ROBO2: variants seen among roughly 807,000 people sequenced by gnomAD.
ROBO2 encodes roundabout guidance receptor 2.
ROBO2 carries 53 observed loss-of-function variants against 160.8 expected under a neutral mutation model. That is an observed-to-expected ratio of 0.33 (90% CI 0.26 to 0.41). ROBO2 has a LOEUF of 0.41. Among genes scored for constraint, ROBO2 ranks in the 10% least tolerant of loss-of-function variants. The probability of loss-of-function intolerance (pLI) is 1.00; values close to 1 mark genes in which losing one functional copy is unlikely to be tolerated. For missense variants in ROBO2, 1,577 were observed against 1,722.4 expected (o/e 0.92, Z 1.49); for synonymous variants, 664 against 611.7 (o/e 1.09, Z -1.26).
chr3:76,742,660 A>G (rs1348682867), intron 2 of ROBO2, among the ~76,000 whole-genome samples: 5 of 152,140 alleles, frequency 3.3e-5, no homozygotes, highest in African/African-American at 1.2e-4. Flanking sequence ...AGAACATCAC[A>G]TCACATTAGT....
chr3:76,284,976 T>C (rs1453480808), intron 2 of ROBO2, among the ~76,000 whole-genome samples: 2 of 152,174 alleles, frequency 1.3e-5, no homozygotes, highest in African/African-American at 4.8e-5. Flanking sequence ...AGCAAACCTT[T>C]TCTGTGCTGC....
intron 2 of ROBO2, among the ~76,000 whole-genome samples, chr3:77,171,720 T>C (rs1001276915): frequency 8.5e-5 from 13 of 152,232 alleles, no homozygotes; most frequent in Admixed American, 5.2e-4. Context: ...GAGTATGTTC[T>C]ATGCTAGGTA....
At chr3:76,701,485 A>G (rs2093042971) in intron 2 of ROBO2, among the ~76,000 whole-genome samples, 1 of 152,080 alleles carries the variant, frequency 6.6e-6, no homozygotes, top group Non-Finnish European at 1.5e-5. Flanking sequence ...GAAGAGAGGA[A>G]TTAAGTTGAT....
intron 2 of ROBO2, among the ~76,000 whole-genome samples, chr3:76,346,336 C>G (rs186666505): frequency 1.3e-5 from 2 of 151,930 alleles, no homozygotes; most frequent in East Asian, 3.9e-4. Context: ...CAAGCTCCGC[C>G]TGGCAACAAC....
At chr3:75,921,915 C>T (rs779157095) in intron 1 of ROBO2, among the ~76,000 whole-genome samples, 29 of 152,034 alleles carry the variant, frequency 1.9e-4, no homozygotes, top group Non-Finnish European at 4.1e-4. Flanking sequence ...ATTTCAGAAC[C>T]AAAAACAGTT....
intron 1 of ROBO2, among the ~76,000 whole-genome samples, chr3:75,916,731 G>T (rs1479591097): frequency 6.6e-6 from 1 of 151,922 alleles, no homozygotes; most frequent in African/African-American, 2.4e-5. Context: ...ATATAAAGAG[G>T]CATAAAAATG....
chr3:76,053,816 A>G (rs73842914), intron 2 of ROBO2, among the ~76,000 whole-genome samples: 3,125 of 152,184 alleles, frequency 0.021, 43 homozygotes, highest in East Asian at 0.081. Flanking sequence ...ATATCTTCTT[A>G]AATGAACTCT....
chr3:77,610,302 T>A (rs1254408094), intron 21 of ROBO2, among the ~76,000 whole-genome samples: 1 of 152,096 alleles, frequency 6.6e-6, no homozygotes, highest in African/African-American at 2.4e-5. Context: ...ATACAAAATA[T>A]AAAAACTTCA....
chr3:76,268,001 AC>A (rs1169717436), intron 2 of ROBO2, among the ~76,000 whole-genome samples: 3 of 152,170 alleles, frequency 2.0e-5, no homozygotes, highest in Non-Finnish European at 2.9e-5. Flanking sequence ...GAAATGCATG[AC>A]CAGAGATGTG....
intron 2 of ROBO2, among the ~76,000 whole-genome samples, chr3:76,120,188 G>C (rs2108284828): frequency 6.6e-6 from 1 of 152,046 alleles, no homozygotes; most frequent in Non-Finnish European, 1.5e-5. Flanking sequence ...TTTTAGTAGA[G>C]ACGGAATTTT....
Position 76,303,295 on chromosome 3 carries a change from G to T in ROBO2, c.109+365693G>T, listed in dbSNP as rs188246299. Among the ~76,000 whole-genome samples, 273 of 151,916 alleles carry T rather than the reference G, an allele frequency of 1.8e-3. 1 individual carries two copies. The highest frequency in any genetic ancestry group is 6.3e-3 in the African/African-American group (260 of 41,432). On this transcript the variant is annotated intron_variant, in intron 2 of 26. Transcript: ENST00000487694. ...AACAAATGTCAGAAACTAATTTTTC[G>T]TATGAATTCTAAAAATATATTCATT...
At chr3:76,393,418 TATG>T (rs2077255159) in intron 2 of ROBO2, among the ~76,000 whole-genome samples, 1 of 152,188 alleles carries the variant, frequency 6.6e-6, no homozygotes, top group Non-Finnish European at 1.5e-5. Flanking sequence ...TTATGGAGCA[TATG>T]ATACTAAATT....
rs2079627598 is a variant in ROBO2, at chr3:77,171,488, CTT to C, written c.388+73150_388+73151del. Among the ~76,000 whole-genome samples, 3 of 152,064 alleles carry C rather than the reference CTT, an allele frequency of 2.0e-5. No homozygotes were observed. In the South Asian group the frequency reaches 6.2e-4, roughly 32 times the overall value. The stretch of plus-strand genomic sequence containing the variant: ...ACTTATTTTTTCTAATTAAAATAAA[CTT>C]TGGGAAATTCAAATGGACTGGAAAG... On this transcript the variant is annotated intron_variant, in intron 2 of 25. Transcript: ENST00000461745.
rs557296022 is a variant in ROBO2 at position 77,101,894 on chromosome 3, G to A, written c.388+3554G>A. On this transcript the variant is annotated intron_variant, in intron 2 of 25. Coordinates refer to ENST00000461745, the Ensembl canonical transcript of ROBO2. ...GACTCTACTAAAAATACAAAACTTA[G>A]CCAGGTATGGTGGCTGGCACCTGTA... 1.7e-4 allele frequency among the ~76,000 whole-genome samples: 26 copies of A among 152,206 alleles called. No individual in the cohort carries two copies. In the South Asian group the frequency reaches 2.9e-3, roughly 17 times the overall value.
At chr3:76,986,714 A>G (rs2149352131) in intron 2 of ROBO2, among the ~76,000 whole-genome samples, 1 of 152,278 alleles carries the variant, frequency 6.6e-6, no homozygotes, top group East Asian at 1.9e-4. Context: ...CACTAGAAAA[A>G]TATGAAATAA....
intron 2 of ROBO2, among the ~76,000 whole-genome samples, chr3:76,397,453 CA>C (rs1181854646): frequency 5.3e-5 from 8 of 151,980 alleles, no homozygotes; most frequent in Admixed American, 1.3e-4. Context: ...GCAATGGCAA[CA>C]AAAGTCAAAA....
intron 2 of ROBO2, among the ~76,000 whole-genome samples, chr3:76,162,086 A>G (rs2106927392): frequency 6.6e-6 from 1 of 152,262 alleles, no homozygotes; most frequent in South Asian, 2.1e-4. Context: ...GGTTTTAACT[A>G]CTTTGGACAT....
At chr3:76,658,261 T>A (rs1245212362) in intron 2 of ROBO2, among the ~76,000 whole-genome samples, 1 of 151,972 alleles carries the variant, frequency 6.6e-6, no homozygotes, top group Non-Finnish European at 1.5e-5. Context: ...TGATTTTTTC[T>A]ATGTACATAT....
chr3:76,054,756 T>G (rs2107835052), intron 2 of ROBO2, among the ~76,000 whole-genome samples: 1 of 152,298 alleles, frequency 6.6e-6, no homozygotes, highest in South Asian at 2.1e-4. Context: ...TGAAATGCAT[T>G]TTTGGCATAT....
Sources: allele counts gnomAD v4.1 joint callset (sites outside exome capture counted in the v4.1 genomes callset), GRCh38; gene constraint gnomAD v4.1.1; transcripts MANE v1.5; gene names NCBI Gene and HGNC (gene_info 2026-07-23, HGNC 2026-07-21).